Variants in RSU1 observed in about 807,000 individuals in gnomAD.
RSU1 encodes Ras suppressor protein 1, also known as rsu-1.
Under a neutral mutation model 31.1 loss-of-function variants are expected in RSU1, and 26 were observed. The observed-to-expected ratio is 0.84, with a 90% confidence interval of 0.61 to 1.16. RSU1 has a LOEUF of 1.16. RSU1 is among the 50% of genes most tolerant of loss of function. RSU1 has a pLI of 0.00. For missense variants in RSU1, 320 were observed against 339.1 expected, an observed-to-expected ratio of 0.94 and a Z score of 0.44; for synonymous variants, 164 against 136.3, an observed-to-expected ratio of 1.20 and a Z score of -1.41.
rs372376504 is a variant in RSU1, at chr10:16,685,147, G to C, written c.731+9876C>G. On this transcript the variant is annotated intron_variant, in intron 8 of 8. Coordinates refer to ENST00000345264, the MANE Select transcript of RSU1 (RefSeq NM_012425.4). ...TGCCTGTAACCCCAGGTACTCGGGAGACCGAGGCAAGAGAATCGCTTGAAC... is the reference window on the plus strand; with the variant it reads ...TGCCTGTAACCCCAGGTACTCGGGACACCGAGGCAAGAGAATCGCTTGAAC... Among the ~76,000 whole-genome samples, 12 of 152,302 alleles carry C rather than the reference G, an allele frequency of 7.9e-5. No homozygotes were observed. The South Asian group carries it at 2.5e-3, about 32-fold the overall frequency.
At chr10:16,625,990 C>T (rs1371665240) in intron 8 of RSU1, among the ~76,000 whole-genome samples, 2 of 152,070 alleles carry the variant, frequency 1.3e-5, no homozygotes, top group Non-Finnish European at 2.9e-5. Flanking sequence ...CATGGTATTA[C>T]AGCTGGCAAG....
At chr10:16,781,852 T>C (rs1564355457) in intron 3 of RSU1, among the ~76,000 whole-genome samples, 182 bp downstream of exon 3, 4 of 152,174 alleles carry the variant, frequency 2.6e-5, no homozygotes, top group Non-Finnish European at 5.9e-5. Context: ...AAAGTAGAGC[T>C]AACTACAAAA....
intron 3 of RSU1, among the ~76,000 whole-genome samples, chr10:16,768,195 G>A (rs1241396138): frequency 1.3e-5 from 2 of 152,192 alleles, no homozygotes; most frequent in African/African-American, 2.4e-5. Flanking sequence ...CTACAGTGCT[G>A]TGTGTGCCCT....
intron 8 of RSU1, among the ~76,000 whole-genome samples, chr10:16,666,752 C>T (rs1004784360): frequency 1.3e-5 from 2 of 152,022 alleles, no homozygotes; most frequent in Non-Finnish European, 2.9e-5. Context: ...CTTTGGGAGG[C>T]TAAGGTGGGT....
At chr10:16,747,635 C>G (rs963919404) in intron 7 of RSU1, among the ~76,000 whole-genome samples, 3 of 152,338 alleles carry the variant, frequency 2.0e-5, no homozygotes, top group African/African-American at 7.2e-5. Flanking sequence ...TCTACTCCCA[C>G]CAGGATTGCA....
At chr10:16,780,435 G>A (rs1163445621) in intron 3 of RSU1, among the ~76,000 whole-genome samples, 2 of 152,012 alleles carry the variant, frequency 1.3e-5, no homozygotes, top group African/African-American at 2.4e-5. Flanking sequence ...AGAGATGGGG[G>A]CCTCAGTATG....
chr10:16,808,994 T>G (rs1021509848), intron 2 of RSU1, among the ~76,000 whole-genome samples: 2 of 152,162 alleles, frequency 1.3e-5, no homozygotes, highest in Non-Finnish European at 2.9e-5. Context: ...CACTATGATC[T>G]TGAACTTCCA....
At chr10:16,794,169 A>T (rs1373797409) in intron 2 of RSU1, among the ~76,000 whole-genome samples, 1 of 152,130 alleles carries the variant, frequency 6.6e-6, no homozygotes, top group Non-Finnish European at 1.5e-5. Context: ...TTACATTACC[A>T]ACTGTCCAGG....
intron 8 of RSU1, among the ~76,000 whole-genome samples, chr10:16,621,869 G>C (rs1476454755): frequency 6.6e-6 from 1 of 152,132 alleles, no homozygotes; most frequent in African/African-American, 2.4e-5. Context: ...CCATATCAAT[G>C]ACTATGTATG....
chr10:16,706,876 T>C (rs1835914655), intron 7 of RSU1, among the ~76,000 whole-genome samples: 1 of 152,068 alleles, frequency 6.6e-6, no homozygotes, highest in Admixed American at 6.6e-5. Flanking sequence ...CTCTGCACCC[T>C]TCCATCTCTT....
chr10:16,609,051 T>C (rs369438244), intron 8 of RSU1, among the ~76,000 whole-genome samples: 4 of 152,150 alleles, frequency 2.6e-5, no homozygotes, highest in Middle Eastern at 3.4e-3. Context: ...CAGGCTAATA[T>C]AGAACTCCTG....
intron 8 of RSU1, among the ~76,000 whole-genome samples, chr10:16,613,231 G>C (rs1833923278): frequency 6.6e-6 from 1 of 152,160 alleles, no homozygotes; most frequent in African/African-American, 2.4e-5. Flanking sequence ...AAGCCAATAT[G>C]AAAAATTCAT....
At chr10:16,596,992 A>G (rs867160064) in intron 8 of RSU1, among the ~76,000 whole-genome samples, 11 of 152,374 alleles carry the variant, frequency 7.2e-5, no homozygotes, top group South Asian at 2.1e-4. Flanking sequence ...CTGGGATTAC[A>G]GGCGTGAGCC....
At chr10:16,623,005 T>C (rs180692014) in intron 8 of RSU1, among the ~76,000 whole-genome samples, 1 of 152,298 alleles carries the variant, frequency 6.6e-6, no homozygotes, top group Admixed American at 6.5e-5. Flanking sequence ...ACTGTGTAAA[T>C]CAAGAAAAAG....
chr10:16,814,470 A>ATAAAAAAAAAAAAAAAAAAAAAAAAG (rs371093594), intron 2 of RSU1, among the ~76,000 whole-genome samples: 1 of 136,794 alleles, frequency 7.3e-6, no homozygotes, highest in African/African-American at 3.0e-5. Flanking sequence ...AAAAAAAAAG[A>ATAAAAAAAAAAAAAAAAAAAAAAAAG]AAAAAAAATT....
chr10:16,607,669 C>T (rs1833826894), intron 8 of RSU1, among the ~76,000 whole-genome samples: 1 of 152,160 alleles, frequency 6.6e-6, no homozygotes, highest in Non-Finnish European at 1.5e-5. Flanking sequence ...GCACTCCAGG[C>T]AAAGGATTCA....
chr10:16,730,822 A>G (rs1836493683), intron 7 of RSU1, among the ~76,000 whole-genome samples: 1 of 152,094 alleles, frequency 6.6e-6, no homozygotes, highest in South Asian at 2.1e-4. Flanking sequence ...CTGTAAAGCA[A>G]TGTTGTTGTT....
intron 8 of RSU1, among the ~76,000 whole-genome samples, chr10:16,692,149 C>CTTA (rs1464797283): frequency 2.6e-5 from 4 of 152,292 alleles, no homozygotes; most frequent in African/African-American, 9.6e-5. Context: ...AGACACATTG[C>CTTA]TTAGACTACG....
intron 8 of RSU1, among the ~76,000 whole-genome samples, chr10:16,669,672 T>A (rs1039578188): frequency 2.0e-5 from 3 of 152,182 alleles, no homozygotes; most frequent in Admixed American, 1.3e-4. Flanking sequence ...AATGAGAACA[T>A]GTGGTGTTTG....
Sources: gnomAD v4.1 joint callset for allele counts (sites outside exome capture counted in the v4.1 genomes callset) on GRCh38, gnomAD v4.1.1 for gene constraint, MANE v1.5 for transcripts, NCBI Gene and HGNC (gene_info 2026-07-23, HGNC 2026-07-21) for gene names.